ATP6V0A4: variants seen among roughly 807,000 people sequenced by gnomAD.
ATP6V0A4 encodes V-type proton ATPase 116 kDa subunit a 4.
In ATP6V0A4, 86 loss-of-function variants were observed where a neutral mutation model predicts 107.3. The ratio of observed to expected loss-of-function variants is 0.80; its 90% CI spans 0.67 to 0.96. The LOEUF (loss-of-function observed/expected upper bound fraction) is 0.96, where lower values mean the gene tolerates loss of function less well. Ranked by LOEUF, ATP6V0A4 falls within the 40% of genes least tolerant of loss-of-function variation. ATP6V0A4 has a pLI of 0.00. For synonymous variants in ATP6V0A4, 353 were observed against 381.4 expected, an observed-to-expected ratio of 0.93 and a Z score of 0.87; for missense variants, 908 against 1,045.6, an observed-to-expected ratio of 0.87 and a Z score of 1.81.
Position 138,747,546 on chromosome 7 carries a change from GTGA to G in ATP6V0A4, c.1196_1198del (p.Ile399del). 6.2e-7 allele frequency: 1 copy of G among 1,614,134 alleles called. No homozygotes were observed. The highest frequency in any genetic ancestry group is 8.5e-7 in the Non-Finnish European group (1 of 1,180,026). On this transcript the variant is annotated inframe_deletion, in exon 13 of 22. Coordinates refer to ENST00000310018, the MANE Select transcript of ATP6V0A4 (RefSeq NM_020632.3). ...CATCACAGCGAACAGGAAGGGGAAA[GTGA>G]TGATGGTGTAGGGGGCTGCGGAGGG...
At chr7:138,771,338 A>G in intron 2 of ATP6V0A4, 74 bp from the exon 3 acceptor site, 1 of 1,525,808 alleles carries the variant, frequency 6.6e-7, no homozygotes, top group South Asian at 1.2e-5. Flanking sequence ...GAAATTTTTA[A>G]GTTAAATTAA....
At position 138,715,843 on chromosome 7, in the gene ATP6V0A4, G is replaced by A; in HGVS notation, c.2178C>T (p.His726=). The A allele has an allele frequency of 1.2e-6, 2 of 1,613,848 alleles. No homozygotes were observed. The highest frequency in any genetic ancestry group is 1.7e-6 in the Non-Finnish European group (2 of 1,179,740). The part of the protein sequence containing the change: ...FGDVFVHQAI[H]TIEYCLGCIS... ...TGCAGCCCAGGCAGTACTCGATGGT[G>A]TGGATGGCTTGGTGGACAAAGACGT... The change falls in exon 20 of 22, where the codon CAC becomes CAT. Residue 726 remains histidine, a synonymous_variant. Transcript: ENST00000310018.
At position 138,715,834 on chromosome 7, in the gene ATP6V0A4, C is replaced by G. The variant is rs770757215; in HGVS notation, c.2187G>C (p.Glu729Asp). The change falls in exon 20 of 22, where the codon GAG becomes GAC. Residue 729 changes from glutamate (E) to aspartate (D), a missense_variant. Transcript: ENST00000310018. ...VFVHQAIHTIEYCLGCISNTA... is the reference protein window; with the variant it reads ...VFVHQAIHTIDYCLGCISNTA... ...TGTTTGAAATGCAGCCCAGGCAGTA[C>G]TCGATGGTGTGGATGGCTTGGTGGA... 1 of 1,613,872 alleles carries G rather than the reference C, an allele frequency of 6.2e-7. No homozygotes were observed. The highest frequency in any genetic ancestry group is 8.5e-7 in the Non-Finnish European group (1 of 1,179,812).
chr7:138,766,209 T>A (rs867536556), intron 5 of ATP6V0A4, among the ~76,000 whole-genome samples: 1,282 of 84,556 alleles, frequency 0.015, 18 homozygotes, highest in African/African-American at 0.058. Context: ...TATTATTTTT[T>A]TTTTTTTTTT....
At position 138,768,776 on chromosome 7, in the gene ATP6V0A4, T is replaced by C. The variant is rs759580656; in HGVS notation, c.291+4A>G. On this transcript the variant is annotated splice_donor_region_variant and intron_variant, in intron 5 of 21. Coordinates refer to ENST00000310018, the MANE Select transcript of ATP6V0A4 (RefSeq NM_020632.3). Reference sequence around the variant, plus strand: ...TGGGGAGGCCAGCAAAGTGGAGAACTTACCTCCAGGGTAATCATTTCCCGT... The same window carrying C: ...TGGGGAGGCCAGCAAAGTGGAGAACCTACCTCCAGGGTAATCATTTCCCGT... The C allele has an allele frequency of 6.2e-7, 1 of 1,614,156 alleles. No homozygotes were observed.
chr7:138,752,939 C>G, intron 10 of ATP6V0A4, 102 bp from the exon 11 acceptor site: 7 of 1,546,236 alleles, frequency 4.5e-6, no homozygotes, highest in Non-Finnish European at 6.1e-6. Context: ...TTCCTCTGCT[C>G]TGGCAGGCTC....
intron 2 of ATP6V0A4, among the ~76,000 whole-genome samples, chr7:138,774,709 T>C (rs1807577424): frequency 1.7e-5 from 1 of 57,530 alleles, no homozygotes; most frequent in Non-Finnish European, 4.7e-5. Context: ...TATACGTGTG[T>C]ATATATGTGT....
chr7:138,762,707 CATA>C (rs2117316189), intron 6 of ATP6V0A4, among the ~76,000 whole-genome samples, 190 bp downstream of exon 6: 1 of 152,178 alleles, frequency 6.6e-6, no homozygotes, highest in African/African-American at 2.4e-5. Flanking sequence ...TACTGAGCAC[CATA>C]ATATTTTTCC....
At chr7:138,728,571 T>C (rs1157476711) in intron 18 of ATP6V0A4, among the ~76,000 whole-genome samples, 190 bp downstream of exon 18, 1 of 151,986 alleles carries the variant, frequency 6.6e-6, no homozygotes, top group Non-Finnish European at 1.5e-5. Flanking sequence ...GAGCATCTCG[T>C]TGGAAATAAG....
chr7:138,733,879 A>G (rs572113303), intron 16 of ATP6V0A4, among the ~76,000 whole-genome samples: 1 of 152,110 alleles, frequency 6.6e-6, no homozygotes, highest in South Asian at 2.1e-4. Context: ...CCTGGCCTCC[A>G]GTCTTTTTTT....
chr7:138,777,631 A>ACACAC (rs1274092641), intron 2 of ATP6V0A4, among the ~76,000 whole-genome samples: 75 of 119,790 alleles, frequency 6.3e-4, no homozygotes, highest in African/African-American at 2.5e-3. Context: ...AAAAAAAAAA[A>ACACAC]ATACACACAC....
chr7:138,731,133 C>T (rs180706170), intron 17 of ATP6V0A4, among the ~76,000 whole-genome samples: 1 of 152,278 alleles, frequency 6.6e-6, no homozygotes, highest in Non-Finnish European at 1.5e-5. Context: ...TGGTGTTTCA[C>T]CATGTTGGGC....
intron 8 of ATP6V0A4, among the ~76,000 whole-genome samples, chr7:138,759,031 A>G (rs374958232): frequency 1.0e-3 from 145 of 143,076 alleles, no homozygotes; most frequent in African/African-American, 3.4e-3. Context: ...GATTACAGGC[A>G]TGAGCCACCA....
intron 18 of ATP6V0A4, among the ~76,000 whole-genome samples, chr7:138,726,022 T>G (rs1584901282): frequency 6.6e-6 from 1 of 152,094 alleles, no homozygotes; most frequent in East Asian, 1.9e-4. Context: ...CAGAGTCTCG[T>G]TCTGTCGCCT....
At chr7:138,707,308 A>ATTTATT (rs1423947608) in intron 21 of ATP6V0A4, among the ~76,000 whole-genome samples, 15 of 79,484 alleles carry the variant, frequency 1.9e-4, no homozygotes, top group Admixed American at 4.8e-4. Context: ...ATATATTTAT[A>ATTTATT]TTTATTTATA....
intron 14 of ATP6V0A4, 121 bp from the exon 15 acceptor site, chr7:138,739,754 G>A: frequency 6.6e-7 from 1 of 1,519,012 alleles, no homozygotes; most frequent in South Asian, 1.2e-5. Flanking sequence ...TCATCACTTT[G>A]GTTGGTTCAA....
chr7:138,771,348 A>C lies in ATP6V0A4; in HGVS notation c.-17-84T>G, dbSNP rs1584941776. On this transcript the variant is annotated intron_variant, in intron 2 of 21. Transcript: ENST00000310018. ...AGGGTGAAATTTTTAAGTTAAATTA[A>C]AATCTAACAGGGAAAAAAAATCCAT... 3 of 1,486,256 alleles carry C rather than the reference A, an allele frequency of 2.0e-6. No individual in the cohort carries two copies. In the East Asian group the frequency reaches 7.0e-5, roughly 35 times the overall value. The allele number at this position is 1,486,256 out of a possible 1,614,324, so 92.1% of individuals were successfully genotyped here. A position where few individuals can be genotyped will look rare whatever the true frequency, so the allele number is the denominator to read the frequency against.
At chr7:138,716,550 T>G (rs137870594) in intron 19 of ATP6V0A4, among the ~76,000 whole-genome samples, 1 of 136,844 alleles carries the variant, frequency 7.3e-6, no homozygotes, top group Non-Finnish European at 1.5e-5. Context: ...CCTCATGCTC[T>G]CTGATGTGAC....
chr7:138,743,064 G>C (rs531025488), intron 14 of ATP6V0A4, among the ~76,000 whole-genome samples: 7 of 152,248 alleles, frequency 4.6e-5, no homozygotes, highest in African/African-American at 1.4e-4. Context: ...GACTGCGTTA[G>C]AATCTCCTTG....
Sources: allele counts gnomAD v4.1 joint callset (sites outside exome capture counted in the v4.1 genomes callset), GRCh38; gene constraint gnomAD v4.1.1; transcripts MANE v1.5; gene names NCBI Gene and HGNC (gene_info 2026-07-23, HGNC 2026-07-21).